Variants in CALN1 observed in about 807,000 individuals in gnomAD.
CALN1 encodes the protein calneuron 1.
A neutral mutation model predicts 30.6 loss-of-function variants in CALN1; 17 were observed. The observed-to-expected ratio is 0.56, with a 90% CI of 0.38 to 0.83. The LOEUF is 0.83. Among genes scored for constraint, CALN1 ranks in the 40% least tolerant of loss-of-function variants. CALN1 has a pLI of 0.00. For missense variants in CALN1, 291 were observed against 354.9 expected, an observed-to-expected ratio of 0.82 and a Z score of 1.45; for synonymous variants, 156 against 131.4, an observed-to-expected ratio of 1.19 and a Z score of -1.28.
At chr7:72,191,699 G>C (rs1453838091) in intron 3 of CALN1, among the ~76,000 whole-genome samples, 2 of 152,018 alleles carry the variant, frequency 1.3e-5, no homozygotes, top group Admixed American at 1.3e-4. Context: ...AGGTTCCCAG[G>C]GCTGCCATCA....
chr7:71,808,192 T>C (rs1179874156), intron 6 of CALN1, among the ~76,000 whole-genome samples: 1 of 152,054 alleles, frequency 6.6e-6, no homozygotes, highest in Non-Finnish European at 1.5e-5. Flanking sequence ...TTAATTATGA[T>C]ATTTATTAAA....
At chr7:71,870,475 T>C (rs1039971740) in intron 5 of CALN1, among the ~76,000 whole-genome samples, 5 of 152,196 alleles carry the variant, frequency 3.3e-5, no homozygotes, top group Admixed American at 2.0e-4. Flanking sequence ...TATACCTGTC[T>C]GTATGTTTGA....
chr7:72,082,835 ATT>A (rs1282986809), intron 4 of CALN1, among the ~76,000 whole-genome samples: 1 of 152,156 alleles, frequency 6.6e-6, no homozygotes, highest in African/African-American at 2.4e-5. Flanking sequence ...TGGTGCGTAG[ATT>A]TTATTTATTT....
At chr7:72,044,378 T>C (rs1024271749) in intron 4 of CALN1, among the ~76,000 whole-genome samples, 1 of 152,076 alleles carries the variant, frequency 6.6e-6, no homozygotes, top group Non-Finnish European at 1.5e-5. Flanking sequence ...TCTTCTTTTC[T>C]GCATGGGGAG....
intron 5 of CALN1, among the ~76,000 whole-genome samples, chr7:71,934,063 T>C (rs1187819355): frequency 1.3e-5 from 2 of 152,184 alleles, no homozygotes; most frequent in East Asian, 3.9e-4. Context: ...GCATTGAAGC[T>C]CCCTATTTGA....
chr7:72,022,410 T>G (rs2129530149), intron 5 of CALN1, among the ~76,000 whole-genome samples: 1 of 152,338 alleles, frequency 6.6e-6, no homozygotes, highest in East Asian at 1.9e-4. Context: ...TTTGTTTGTT[T>G]GAGACAGGGT....
intron 6 of CALN1, among the ~76,000 whole-genome samples, chr7:71,803,751 G>A (rs1312538910): frequency 1.3e-5 from 2 of 151,940 alleles, no homozygotes; most frequent in Non-Finnish European, 2.9e-5. Flanking sequence ...CTGGGTTCCT[G>A]CCTGGGTGCA....
At chr7:72,250,070 C>T (rs1795451491) in intron 3 of CALN1, among the ~76,000 whole-genome samples, 1 of 152,016 alleles carries the variant, frequency 6.6e-6, no homozygotes, top group Non-Finnish European at 1.5e-5. Flanking sequence ...TCCCTGCAGT[C>T]TTCATTCCAA....
intron 2 of CALN1, among the ~76,000 whole-genome samples, chr7:72,321,972 T>C (rs1205202690): frequency 6.6e-6 from 1 of 152,222 alleles, no homozygotes; most frequent in Non-Finnish European, 1.5e-5. Flanking sequence ...AGGACCAGTT[T>C]CGTGGAAGAC....
At chr7:72,254,655 T>C (rs768421469) in intron 3 of CALN1, among the ~76,000 whole-genome samples, 10 of 152,172 alleles carry the variant, frequency 6.6e-5, no homozygotes, top group Admixed American at 1.3e-4. Context: ...TTTTTTTTGC[T>C]GAGGGGACAG....
At chr7:71,960,547 T>C (rs1280948173) in intron 5 of CALN1, among the ~76,000 whole-genome samples, 1 of 152,222 alleles carries the variant, frequency 6.6e-6, no homozygotes, top group Non-Finnish European at 1.5e-5. Flanking sequence ...ATGGTGTCTA[T>C]GTACCACATT....
chr7:72,100,815 G>A (rs370780029), intron 4 of CALN1, among the ~76,000 whole-genome samples: 32 of 88,328 alleles, frequency 3.6e-4, no homozygotes, highest in African/African-American at 1.4e-3. Context: ...GCGAGACTCC[G>A]TCTCACAAAA....
At chr7:72,240,465 T>A (rs1421284730) in intron 3 of CALN1, among the ~76,000 whole-genome samples, 1 of 152,128 alleles carries the variant, frequency 6.6e-6, no homozygotes, top group Non-Finnish European at 1.5e-5. Context: ...AAAGCGCTGG[T>A]GTTACAGGTA....
chr7:72,208,510 AT>A (rs1792058296), intron 3 of CALN1, among the ~76,000 whole-genome samples: 1 of 152,242 alleles, frequency 6.6e-6, no homozygotes. Flanking sequence ...CCACATGGAT[AT>A]GCCTGCTACA....
In CALN1 at chr7:71,787,675, A is replaced by C. The variant is rs545701116; in HGVS notation, c.*100T>G. ...ACGGTTCCATCGTCCGCATCCATCCATAGTCCATAGGTCCGTGTCTGCTGT... is the reference window on the plus strand; with the variant it reads ...ACGGTTCCATCGTCCGCATCCATCCCTAGTCCATAGGTCCGTGTCTGCTGT... On this transcript the variant is annotated 3_prime_UTR_variant, in exon 7 of 7. Coordinates refer to ENST00000395275, the MANE Select transcript of CALN1 (RefSeq NM_031468.4). 1.9e-5 allele frequency: 29 copies of C among 1,510,928 alleles called. No homozygotes were observed. The highest frequency in any genetic ancestry group is 3.8e-5 in the Admixed American group (2 of 53,172). The allele number at this position is 1,510,928 out of a possible 1,614,324, so 93.6% of individuals were successfully genotyped here.
intron 3 of CALN1, among the ~76,000 whole-genome samples, chr7:72,152,667 A>G (rs1787343122): frequency 6.6e-6 from 1 of 152,200 alleles, no homozygotes; most frequent in African/African-American, 2.4e-5. Flanking sequence ...GCCCTCCAGG[A>G]AAATTCAGGT....
At position 72,279,692 on chromosome 7, in the gene CALN1, G is replaced by A. The variant is rs143250150; in HGVS notation, c.120-882C>T. On this transcript the variant is annotated intron_variant, in intron 2 of 6. Transcript: ENST00000395275. ...GGAAGAGAATGGAAGAATGAGCAACGACAAGAAAGAGGAAAGGCAGATGGG... is the reference window on the plus strand; with the variant it reads ...GGAAGAGAATGGAAGAATGAGCAACAACAAGAAAGAGGAAAGGCAGATGGG... 6.1e-3 allele frequency among the ~76,000 whole-genome samples: 929 copies of A among 152,320 alleles called. 4 individuals carry two copies. Among genetic ancestry groups the A allele is most frequent in the Non-Finnish European group, 9.7e-3 (658 of 68,026 alleles).
chr7:72,136,360 T>C (rs567776460), intron 3 of CALN1, among the ~76,000 whole-genome samples: 5 of 152,292 alleles, frequency 3.3e-5, no homozygotes, highest in Middle Eastern at 3.4e-3. Context: ...AGCGTCAAAC[T>C]TTTTTTCTGC....
At chr7:72,328,150 T>C (rs572371236) in intron 2 of CALN1, among the ~76,000 whole-genome samples, 9 of 152,178 alleles carry the variant, frequency 5.9e-5, no homozygotes, top group Non-Finnish European at 1.3e-4. Flanking sequence ...CGCTAAAAAA[T>C]GTCTTAAGCA....
Sources: gnomAD v4.1 joint callset for allele counts (sites outside exome capture counted in the v4.1 genomes callset) on GRCh38, gnomAD v4.1.1 for gene constraint, MANE v1.5 for transcripts, NCBI Gene and HGNC (gene_info 2026-07-23, HGNC 2026-07-21) for gene names.